COL4A6: variants seen among roughly 807,000 people sequenced by gnomAD.
COL4A6 encodes collagen alpha-6(IV) chain.
A neutral mutation model predicts 126.7 loss-of-function variants in COL4A6; 59 were observed. The ratio of observed to expected loss-of-function variants is 0.47; its 90% CI spans 0.38 to 0.58. The LOEUF is 0.58. Among genes scored for constraint, COL4A6 ranks in the 20% least tolerant of loss-of-function variants. The pLI is 0.00. For missense variants in COL4A6, 1,285 were observed against 1,337.3 expected (o/e 0.96, Z 0.61); for synonymous variants, 547 against 496.6 (o/e 1.10, Z -1.35).
At chrX:108,268,873 C>T in intron 3 of COL4A6, 1 of 159,321 alleles carries the variant, frequency 6.3e-6, no homozygotes, top group Non-Finnish European at 1.2e-5. Flanking sequence ...ATTTATTTTC[C>T]CTCTGGATTT....
intron 2 of COL4A6, among the ~76,000 whole-genome samples, chrX:108,331,735 G>A (rs763906393): frequency 5.4e-5 from 6 of 111,509 alleles, no homozygotes; most frequent in Non-Finnish European, 9.4e-5. Flanking sequence ...GCAGTTTGGA[G>A]ACAGAATTGC....
chrX:108,183,454 G>A (rs1011591850), intron 23 of COL4A6, among the ~76,000 whole-genome samples: 5 of 111,301 alleles, frequency 4.5e-5, no homozygotes, highest in African/African-American at 6.5e-5. Flanking sequence ...CCAAGCTATC[G>A]ACATGCATGG....
intron 2 of COL4A6, among the ~76,000 whole-genome samples, chrX:108,357,841 T>C (rs1480490526): frequency 9.0e-6 from 1 of 111,260 alleles, no homozygotes; most frequent in African/African-American, 3.3e-5. Flanking sequence ...GTATATGTTG[T>C]CCTAGAATAG....
At chrX:108,215,703 G>C (rs2035840318) in intron 5 of COL4A6, among the ~76,000 whole-genome samples, 1 of 111,159 alleles carries the variant, frequency 9.0e-6, no homozygotes, top group Non-Finnish European at 1.9e-5. Flanking sequence ...TTTTTCCATA[G>C]TCTTAGTTCC....
intron 3 of COL4A6, among the ~76,000 whole-genome samples, chrX:108,261,415 A>C (rs1385886723): frequency 9.0e-6 from 1 of 111,427 alleles, no homozygotes; most frequent in Non-Finnish European, 1.9e-5. Flanking sequence ...CATCTCTGGA[A>C]GAAGTCTTAA....
In COL4A6 at chrX:108,164,582, C is replaced by T. The variant is rs761950036; in HGVS notation, c.4069+18G>A. 2.8e-5 allele frequency: 33 copies of T among 1,199,777 alleles called. No individual in the cohort carries two copies. Among genetic ancestry groups the T allele is most frequent in the Non-Finnish European group, 3.4e-5 (30 of 885,957 alleles). ...TCCCTCGAGCTCTGGATCAGCCCAGCACATGCTCTCAACTTACCTCTTGGC... is the reference window on the plus strand; with the variant it reads ...TCCCTCGAGCTCTGGATCAGCCCAGTACATGCTCTCAACTTACCTCTTGGC... On this transcript the variant is annotated intron_variant, in intron 40 of 44. Transcript: ENST00000334504.
Position 108,196,598 on chromosome X carries a change from C to G in COL4A6, c.835-19G>C. 1 of 1,160,514 alleles carries G rather than the reference C, an allele frequency of 8.6e-7. No homozygotes were observed. Among genetic ancestry groups the G allele is most frequent in the Non-Finnish European group, 1.2e-6 (1 of 860,806 alleles). On this transcript the variant is annotated intron_variant, in intron 13 of 44. Coordinates refer to ENST00000334504, the MANE Select transcript of COL4A6 (RefSeq NM_033641.4). ...CAAGGCCCTAAATGAAAAAAGAAAC[C>G]ACAAGTTATAACGTTTGTTTTCTTG...
chrX:108,162,211 G>A (rs1034130530), intron 41 of COL4A6, among the ~76,000 whole-genome samples: 1 of 110,606 alleles, frequency 9.0e-6, no homozygotes, highest in African/African-American at 3.3e-5. Flanking sequence ...TTAGCTGGGT[G>A]TGGTGGTATG....
Position 108,204,316 on chromosome X carries a change from C to T in COL4A6, c.780+4G>A, listed in dbSNP as rs766522773. 4.5e-5 allele frequency: 52 copies of T among 1,161,214 alleles called. No homozygotes were observed. Among genetic ancestry groups the T allele is most frequent in the Non-Finnish European group, 5.5e-5 (48 of 869,824 alleles). On this transcript the variant is annotated splice_donor_region_variant and intron_variant, in intron 12 of 44. Coordinates refer to ENST00000334504, the MANE Select transcript of COL4A6 (RefSeq NM_033641.4). ...ATTTTTTCCTATTCTTAAATGTTCA[C>T]TACCTTGGATCCTTTCTTCCCTTTG...
intron 19 of COL4A6, among the ~76,000 whole-genome samples, 165 bp from the exon 20 acceptor site, chrX:108,190,661 G>A (rs1373850854): frequency 9.0e-6 from 1 of 111,583 alleles, no homozygotes; most frequent in Non-Finnish European, 1.9e-5. Flanking sequence ...CTGCAGCAAG[G>A]AGTCAACAGG....
intron 23 of COL4A6, among the ~76,000 whole-genome samples, chrX:108,186,529 A>T (rs2034866131): frequency 8.9e-6 from 1 of 112,208 alleles, no homozygotes; most frequent in Non-Finnish European, 1.9e-5. Flanking sequence ...TTATTAGCAT[A>T]GCACCTTCAT....
At position 108,399,637 on chromosome X, in the gene COL4A6, G is replaced by A. The variant is rs1298297587; in HGVS notation, c.63+38305C>T. On this transcript the variant is annotated intron_variant, in intron 2 of 44. Coordinates refer to ENST00000334504, the MANE Select transcript of COL4A6 (RefSeq NM_033641.4). ...AACACACAAAATGCTAGGGCTGGAA[G>A]GAAGATGAGACACCCAGGGAAAGCA... Among the ~76,000 whole-genome samples the A allele has an allele frequency of 3.6e-5, 4 of 111,310 alleles. No individual in the cohort carries two copies. The East Asian group carries it at 1.1e-3, about 31-fold the overall frequency.
intron 17 of COL4A6, among the ~76,000 whole-genome samples, chrX:108,193,183 T>C (rs2035103658): frequency 8.9e-6 from 1 of 112,046 alleles, no homozygotes; most frequent in African/African-American, 3.3e-5. Flanking sequence ...ATCACACTCT[T>C]GAGGGCTCTC....
intron 2 of COL4A6, among the ~76,000 whole-genome samples, chrX:108,421,745 G>C (rs2148272831): frequency 9.0e-6 from 1 of 111,334 alleles, no homozygotes; most frequent in Non-Finnish European, 1.9e-5. Flanking sequence ...AGACCTACCT[G>C]AAACTAACTT....
intron 3 of COL4A6, among the ~76,000 whole-genome samples, chrX:108,226,634 A>G (rs1380924717): frequency 9.1e-6 from 1 of 110,405 alleles, no homozygotes; most frequent in African/African-American, 3.3e-5. Context: ...CTCAAACCCA[A>G]CATGCCCCAA....
At chrX:108,362,372 C>A (rs1260611617) in intron 2 of COL4A6, among the ~76,000 whole-genome samples, 3 of 111,627 alleles carry the variant, frequency 2.7e-5, no homozygotes, top group Non-Finnish European at 5.6e-5. Context: ...AATACATGAT[C>A]ATGGGCATGT....
intron 3 of COL4A6, among the ~76,000 whole-genome samples, chrX:108,292,732 C>G (rs2038193043): frequency 9.1e-6 from 1 of 109,806 alleles, no homozygotes; most frequent in African/African-American, 3.3e-5. Context: ...TTCAATCCAA[C>G]TCAGGGCTTC....
chrX:108,426,311 C>T (rs1033010649), intron 2 of COL4A6, among the ~76,000 whole-genome samples: 22 of 112,120 alleles, frequency 2.0e-4, no homozygotes, highest in African/African-American at 6.5e-4. Context: ...CCAGAGGTGC[C>T]AGACAATTCT....
intron 2 of COL4A6, among the ~76,000 whole-genome samples, chrX:108,434,433 G>A (rs2064227123): frequency 9.1e-6 from 1 of 110,475 alleles, no homozygotes; most frequent in Non-Finnish European, 1.9e-5. Flanking sequence ...CTCCTCCTAA[G>A]TAGCTGGGAC....
Sources: gnomAD v4.1 joint callset for allele counts (sites outside exome capture counted in the v4.1 genomes callset) on GRCh38, gnomAD v4.1.1 for gene constraint, MANE v1.5 for transcripts, NCBI Gene and HGNC (gene_info 2026-07-23, HGNC 2026-07-21) for gene names.